The following TRIM9 variants were observed in gnomAD, a reference collection of about 807,000 sequenced individuals.
TRIM9 encodes the protein E3 ubiquitin-protein ligase TRIM9.
TRIM9 carries 26 observed loss-of-function variants against 78.3 expected under a neutral mutation model. That is an observed-to-expected ratio of 0.33 (90% CI 0.24 to 0.46). The LOEUF (loss-of-function observed/expected upper bound fraction) is 0.46, where lower values mean the gene tolerates loss of function less well. TRIM9 is among the 20% of genes least tolerant of loss of function. TRIM9 has a pLI of 1.00. For missense variants in TRIM9, 787 were observed against 1,036.4 expected, an observed-to-expected ratio of 0.76 and a Z score of 3.30; for synonymous variants, 398 against 416.5, an observed-to-expected ratio of 0.96 and a Z score of 0.54.
In TRIM9 at chr14:51,048,729, A is replaced by G. The variant is rs560124251; in HGVS notation, c.823-23369T>C. Reference sequence around the variant, plus strand: ...GCCGGGCGCAGTGGCTCACGCCTGTAATCCCAGCACTTTGGAAGGCCGAGG... The same window carrying G: ...GCCGGGCGCAGTGGCTCACGCCTGTGATCCCAGCACTTTGGAAGGCCGAGG... On this transcript the variant is annotated intron_variant, in intron 1 of 12. Coordinates refer to ENST00000684578, the MANE Select transcript of TRIM9 (RefSeq NM_001387360.1). Among the ~76,000 whole-genome samples the G allele has an allele frequency of 2.6e-5, 4 of 152,230 alleles. No homozygotes were observed. In the South Asian group the frequency reaches 8.3e-4, roughly 32 times the overall value.
intron 11 of TRIM9, among the ~76,000 whole-genome samples, chr14:50,980,906 G>A (rs1303382741): frequency 6.6e-6 from 1 of 152,054 alleles, no homozygotes; most frequent in Non-Finnish European, 1.5e-5. Context: ...TACAGAAAAA[G>A]ATAAAACAGT....
intron 1 of TRIM9, among the ~76,000 whole-genome samples, chr14:51,034,081 C>G (rs780944125): frequency 6.6e-5 from 10 of 152,166 alleles, no homozygotes; most frequent in Non-Finnish European, 5.9e-5. Context: ...TAATCCATGA[C>G]TTTTCAAACT....
chr14:51,042,023 ATCC>A (rs2059615658), intron 1 of TRIM9, among the ~76,000 whole-genome samples: 1 of 152,212 alleles, frequency 6.6e-6, no homozygotes. Flanking sequence ...GTGAGGTGGC[ATCC>A]TCAGCACAGG....
In TRIM9 at chr14:51,094,517, C is replaced by A; in HGVS notation, c.423G>T (p.Gly141=). 1.2e-6 allele frequency: 2 copies of A among 1,613,430 alleles called. No homozygotes were observed. The highest frequency in any genetic ancestry group is 1.7e-6 in the Non-Finnish European group (2 of 1,179,868). The change falls in exon 1 of 13, where the codon GGG becomes GGT. Residue 141 remains glycine (G), a synonymous_variant. Coordinates refer to ENST00000684578, the MANE Select transcript of TRIM9 (RefSeq NM_001387360.1). ...CGCGATTCTTGGGGAAGCCGCGGAG[C>A]CCCCGGTCATCCAGGATGAGGCTGC... ...CHRSLILDDR[G]LRGFPKNRVL...
intron 3 of TRIM9, among the ~76,000 whole-genome samples, chr14:51,021,773 C>T (rs1452257668): frequency 6.6e-6 from 1 of 152,208 alleles, no homozygotes; most frequent in Non-Finnish European, 1.5e-5. Context: ...CTTCCTCTCA[C>T]ATCTTGTTGC....
At chr14:51,054,411 T>C (rs1405517701) in intron 1 of TRIM9, among the ~76,000 whole-genome samples, 13 of 151,204 alleles carry the variant, frequency 8.6e-5, no homozygotes, top group Admixed American at 8.6e-4. Context: ...TAGCTGAGAC[T>C]ACAGGCGTAG....
At chr14:51,029,764 G>A (rs987488858) in intron 1 of TRIM9, among the ~76,000 whole-genome samples, 2 of 139,982 alleles carry the variant, frequency 1.4e-5, no homozygotes, top group Admixed American at 7.1e-5. Context: ...CAGAGGTGCC[G>A]AGAGGATACC....
chr14:51,086,883 T>TTTATTTATTTA, intron 1 of TRIM9, among the ~76,000 whole-genome samples: 1 of 152,308 alleles, frequency 6.6e-6, no homozygotes. Context: ...GTAAATGATG[T>TTTATTTATTTA]TTATTTATTC....
At chr14:51,036,266 T>C (rs4357855) in intron 1 of TRIM9, among the ~76,000 whole-genome samples, 16 of 152,360 alleles carry the variant, frequency 1.1e-4, no homozygotes, top group Admixed American at 7.2e-4. Context: ...ATTTACACCA[T>C]AGAAATTGGC....
chr14:51,049,553 C>T (rs545648261), intron 1 of TRIM9, among the ~76,000 whole-genome samples: 41 of 152,160 alleles, frequency 2.7e-4, no homozygotes, highest in Non-Finnish European at 3.7e-4. Flanking sequence ...ATAGGCCGGG[C>T]GCAGTGGCTC....
At chr14:50,995,732 A>G (rs1463749549) in intron 7 of TRIM9, among the ~76,000 whole-genome samples, 2 of 152,176 alleles carry the variant, frequency 1.3e-5, no homozygotes, top group African/African-American at 4.8e-5. Flanking sequence ...TTACACTAGA[A>G]AGCCAGAACG....
chr14:51,036,284 A>G (rs2059146177), intron 1 of TRIM9, among the ~76,000 whole-genome samples: 1 of 152,200 alleles, frequency 6.6e-6, no homozygotes, highest in Non-Finnish European at 1.5e-5. Flanking sequence ...GGCAAACACT[A>G]CAAATAAGAA....
At chr14:51,014,775 C>T (rs2056971476) in intron 3 of TRIM9, among the ~76,000 whole-genome samples, 2 of 152,128 alleles carry the variant, frequency 1.3e-5, no homozygotes, top group Non-Finnish European at 2.9e-5. Context: ...TCCTGGAAGC[C>T]AGGCCACCTC....
chr14:51,025,205 C>G (rs902439331), intron 2 of TRIM9, 60 bp downstream of exon 2: 2 of 1,436,060 alleles, frequency 1.4e-6, no homozygotes, highest in Admixed American at 1.9e-5. Flanking sequence ...AGGAAACTCT[C>G]CCGCCACACA....
chr14:51,015,350 C>T lies in TRIM9; in HGVS notation c.1042-4856G>A, dbSNP rs1214670206. On this transcript the variant is annotated intron_variant, in intron 3 of 12. Transcript: ENST00000684578. Reference sequence around the variant, plus strand: ...GCAGTTCATGTGACACAACCAGAAGCAAGACCTGAGGTTAATTAGGAGAAT... The same window carrying T: ...GCAGTTCATGTGACACAACCAGAAGTAAGACCTGAGGTTAATTAGGAGAAT... 2.2e-3 allele frequency among the ~76,000 whole-genome samples: 331 copies of T among 152,158 alleles called. 1 individual carries two copies. Among genetic ancestry groups the T allele is most frequent in the African/African-American group, 7.3e-3 (302 of 41,488 alleles).
chr14:51,040,118 G>A lies in TRIM9; in HGVS notation c.823-14758C>T, dbSNP rs147925402. 5.9e-3 allele frequency among the ~76,000 whole-genome samples: 898 copies of A among 152,182 alleles called. 4 individuals carry two copies. The highest frequency in any genetic ancestry group is 9.8e-3 in the Non-Finnish European group (665 of 68,010). On this transcript the variant is annotated intron_variant, in intron 1 of 12. Coordinates refer to ENST00000684578, the MANE Select transcript of TRIM9 (RefSeq NM_001387360.1). ...ATATATAACAGGATAAAGTATATGC[G>A]GATAAAGTCTCTTTATTAAGACCTT...
chr14:51,061,415 G>GAAAAA (rs369630215), intron 1 of TRIM9, among the ~76,000 whole-genome samples: 5 of 133,856 alleles, frequency 3.7e-5, no homozygotes, highest in Non-Finnish European at 6.4e-5. Flanking sequence ...TCTGTCTCAA[G>GAAAAA]AAAAAAAAAA....
intron 5 of TRIM9, among the ~76,000 whole-genome samples, chr14:51,003,720 G>C (rs972468561): frequency 6.6e-6 from 1 of 151,690 alleles, no homozygotes; most frequent in Non-Finnish European, 1.5e-5. Flanking sequence ...TTAGCAAATG[G>C]ACAAAAAGTC....
At chr14:50,992,013 T>A (rs2053572147) in intron 7 of TRIM9, among the ~76,000 whole-genome samples, 1 of 152,210 alleles carries the variant, frequency 6.6e-6, no homozygotes, top group African/African-American at 2.4e-5. Context: ...GGACCAAGGT[T>A]TGTGTAGAGG....
Sources: allele counts gnomAD v4.1 joint callset (sites outside exome capture counted in the v4.1 genomes callset), GRCh38; gene constraint gnomAD v4.1.1; transcripts MANE v1.5; gene names NCBI Gene and HGNC (gene_info 2026-07-23, HGNC 2026-07-21).